Variants in ZNF571 observed in about 807,000 individuals in gnomAD.
The protein encoded by ZNF571 is zinc finger protein 571.
In ZNF571, 4 loss-of-function variants were observed where a neutral mutation model predicts 7.7. The observed-to-expected ratio is 0.52, with a 90% CI of 0.25 to 1.18. The LOEUF (loss-of-function observed/expected upper bound fraction) is 1.18, where lower values mean the gene tolerates loss of function less well. ZNF571 is among the 50% of genes most tolerant of loss of function. ZNF571 has a pLI of 0.14. For synonymous variants in ZNF571, 251 were observed against 232.4 expected, an observed-to-expected ratio of 1.08 and a Z score of -0.73; for missense variants, 704 against 726.9, an observed-to-expected ratio of 0.97 and a Z score of 0.36.
At chr19:37,578,153 G>C (rs563987556) in intron 3 of ZNF571, among the ~76,000 whole-genome samples, 1 of 152,136 alleles carries the variant, frequency 6.6e-6, no homozygotes, top group South Asian at 2.1e-4. Flanking sequence ...TTCCCCTCTC[G>C]CCCCACTCCC....
At chr19:37,592,963 T>C (rs2043910143) in intron 1 of ZNF571, among the ~76,000 whole-genome samples, 1 of 152,230 alleles carries the variant, frequency 6.6e-6, no homozygotes, top group South Asian at 2.1e-4. Flanking sequence ...AAATGCAATG[T>C]GTGGACTCTA....
chr19:37,588,563 GAGA>G (rs1340898528), intron 1 of ZNF571, among the ~76,000 whole-genome samples: 1 of 152,084 alleles, frequency 6.6e-6, no homozygotes, highest in Non-Finnish European at 1.5e-5. Flanking sequence ...AGAGCACGGA[GAGA>G]AGGAGGAGGG....
At chr19:37,591,037 CTG>C (rs1249179528) in intron 1 of ZNF571, among the ~76,000 whole-genome samples, 1 of 152,124 alleles carries the variant, frequency 6.6e-6, no homozygotes, top group Non-Finnish European at 1.5e-5. Flanking sequence ...AGAAAATACT[CTG>C]TAATTTGTCT....
At chr19:37,568,879 TA>T (rs2042961032) in intron 3 of ZNF571, among the ~76,000 whole-genome samples, 1 of 152,132 alleles carries the variant, frequency 6.6e-6, no homozygotes. Context: ...CATCAAGTCC[TA>T]CTGAATATAT....
intron 2 of ZNF571, chr19:37,586,387 T>C: frequency 2.1e-6 from 1 of 471,318 alleles, no homozygotes; most frequent in Non-Finnish European, 3.8e-6. Context: ...TGTACCAATC[T>C]TAAAAGGAGG....
intron 1 of ZNF571, among the ~76,000 whole-genome samples, chr19:37,590,256 A>T (rs183765375): frequency 3.6e-4 from 55 of 151,932 alleles, no homozygotes; most frequent in African/African-American, 1.2e-3. Context: ...AAAAAATAAA[A>T]ATAAAAAAAA....
In ZNF571 at chr19:37,565,166, C is replaced by T. The variant is rs374825667; in HGVS notation, c.1262G>A (p.Cys421Tyr). The T allele has an allele frequency of 5.6e-6, 9 of 1,613,514 alleles. No individual in the cohort carries two copies. Among genetic ancestry groups the T allele is most frequent in the Non-Finnish European group, 7.6e-6 (9 of 1,179,816 alleles). ...RIHTGEKPYK[C>Y]KECGKAFICG... is the part of the protein sequence containing the mutation. ...AATAAAGGCCTTTCCACATTCCTTA[C>T]ATTTGTAGGGCTTCTCTCCGGTATG... The change falls in exon 4 of 4, where the codon TGT becomes TAT. Residue 421 changes from cysteine to tyrosine, a missense_variant. Cys to Tyr is a radical substitution (Grantham distance 194). Transcript: ENST00000451802.
chr19:37,594,122 C>T (rs1424392055), intron 1 of ZNF571: 2 of 152,248 alleles, frequency 1.3e-5, no homozygotes, highest in Non-Finnish European at 2.9e-5. Flanking sequence ...ACAGGGCTGT[C>T]AAGCTAGAAT....
intron 3 of ZNF571, among the ~76,000 whole-genome samples, chr19:37,579,449 G>A (rs1209495415): frequency 6.6e-6 from 1 of 152,210 alleles, no homozygotes; most frequent in East Asian, 1.9e-4. Context: ...GGAAGCAGCA[G>A]TACTGTGACA....
At chr19:37,583,211 C>T (rs1332112135) in intron 3 of ZNF571, among the ~76,000 whole-genome samples, 2 of 152,186 alleles carry the variant, frequency 1.3e-5, no homozygotes, top group African/African-American at 4.8e-5. Flanking sequence ...GCTATCATTC[C>T]TGGTCCTCCT....
intron 2 of ZNF571, among the ~76,000 whole-genome samples, chr19:37,584,726 G>C (rs1027407089): frequency 6.6e-6 from 1 of 152,068 alleles, no homozygotes; most frequent in Non-Finnish European, 1.5e-5. Context: ...ACTTTGGGAG[G>C]CCGAGGCGGG....
intron 3 of ZNF571, among the ~76,000 whole-genome samples, chr19:37,576,371 T>C (rs1179841847): frequency 6.6e-6 from 1 of 152,188 alleles, no homozygotes; most frequent in African/African-American, 2.4e-5. Context: ...CACTTGCAAC[T>C]ATCTGCATTC....
chr19:37,586,667 C>G lies in ZNF571; in HGVS notation c.9+1G>C, dbSNP rs200573176. The G allele has an allele frequency of 6.2e-7, 1 of 1,613,942 alleles. No individual in the cohort carries two copies. Among genetic ancestry groups the G allele is most frequent in the Non-Finnish European group, 8.5e-7 (1 of 1,179,988 alleles). The stretch of plus-strand genomic sequence containing the variant: ...CAAGAAGGAAAGAAACAGCAACTCA[C>G]GTGGGGCATGGTTTTTTAGAACTGA... On this transcript the variant is annotated splice_donor_variant, in intron 2 of 3. Coordinates refer to ENST00000451802, the MANE Select transcript of ZNF571 (RefSeq NM_016536.5). LOFTEE classifies it high-confidence loss of function.
chr19:37,566,476 G>C (rs1310146526), intron 3 of ZNF571, 185 bp from the exon 4 acceptor site: 2 of 637,784 alleles, frequency 3.1e-6, no homozygotes, highest in Admixed American at 3.6e-5. Flanking sequence ...AGAGCTTATA[G>C]GAAAGAAGGT....
intron 3 of ZNF571, among the ~76,000 whole-genome samples, chr19:37,568,690 TGAG>T (rs1469592588): frequency 6.6e-6 from 1 of 152,126 alleles, no homozygotes; most frequent in Non-Finnish European, 1.5e-5. Context: ...GTGCCCAGAA[TGAG>T]GAGTACATAT....
At chr19:37,575,066 C>T (rs2043197400) in intron 3 of ZNF571, among the ~76,000 whole-genome samples, 1 of 152,180 alleles carries the variant, frequency 6.6e-6, no homozygotes, top group African/African-American at 2.4e-5. Flanking sequence ...CCTAACAATA[C>T]AACACCCCAA....
At chr19:37,581,789 GA>G (rs35272779) in intron 3 of ZNF571, among the ~76,000 whole-genome samples, 166 of 147,576 alleles carry the variant, frequency 1.1e-3, no homozygotes, top group African/African-American at 3.7e-3. Flanking sequence ...ATTCTCCTGT[GA>G]AAAAAAAACA....
At chr19:37,586,195 C>G (rs2043667812) in intron 2 of ZNF571, 1 of 153,710 alleles carries the variant, frequency 6.5e-6, no homozygotes, top group South Asian at 2.1e-4. Context: ...TTCATAGAAC[C>G]CAATTCCCAA....
intron 3 of ZNF571, among the ~76,000 whole-genome samples, chr19:37,568,781 A>C (rs564447821): frequency 6.6e-6 from 1 of 152,164 alleles, no homozygotes; most frequent in Non-Finnish European, 1.5e-5. Flanking sequence ...AAAAAAGGGA[A>C]AACTGCAAAA....
Sources: gnomAD v4.1 joint callset for allele counts (sites outside exome capture counted in the v4.1 genomes callset) on GRCh38, gnomAD v4.1.1 for gene constraint, MANE v1.5 for transcripts, NCBI Gene and HGNC (gene_info 2026-07-23, HGNC 2026-07-21) for gene names.